DCAF8: variants seen among roughly 807,000 people sequenced by gnomAD.
DCAF8 encodes DDB1 and CUL4 associated factor 8.
DCAF8 carries 20 observed loss-of-function variants against 68.0 expected under a neutral mutation model. That is an observed-to-expected ratio of 0.29 (90% CI 0.21 to 0.43). DCAF8 has a LOEUF of 0.43. Among genes scored for constraint, DCAF8 ranks in the 20% least tolerant of loss-of-function variants. The pLI, the probability that DCAF8 is intolerant of heterozygous loss-of-function variation, is 1.00. For missense variants in DCAF8, 460 were observed against 771.0 expected, an observed-to-expected ratio of 0.60 and a Z score of 4.78; for synonymous variants, 230 against 276.9, an observed-to-expected ratio of 0.83 and a Z score of 1.68.
intron 4 of DCAF8, chr1:160,238,993 A>G: frequency 1.8e-6 from 1 of 541,852 alleles, no homozygotes; most frequent in Non-Finnish European, 2.8e-6. Context: ...GAACTGGCAC[A>G]TGATAAGAGC....
intron 6 of DCAF8, among the ~76,000 whole-genome samples, chr1:160,235,569 G>GA (rs1655842568): frequency 6.6e-6 from 1 of 151,744 alleles, no homozygotes; most frequent in Non-Finnish European, 1.5e-5. Flanking sequence ...GTCCAACACA[G>GA]AAAAATCTCC....
chr1:160,238,838 C>T (rs2101740194), intron 4 of DCAF8, 91 bp from the exon 5 acceptor site: 1 of 1,293,792 alleles, frequency 7.7e-7, no homozygotes. Context: ...CTCAACTTAC[C>T]CCCTTTTCTT....
intron 6 of DCAF8, among the ~76,000 whole-genome samples, chr1:160,234,794 A>G (rs930732681): frequency 1.3e-5 from 2 of 151,644 alleles, no homozygotes; most frequent in East Asian, 1.9e-4. Context: ...TCAAAGTCAG[A>G]TAACTACAAA....
intron 2 of DCAF8, among the ~76,000 whole-genome samples, chr1:160,257,131 C>CA (rs1656866037): frequency 6.6e-6 from 1 of 152,182 alleles, no homozygotes; most frequent in African/African-American, 2.4e-5. Flanking sequence ...ATCTAAAACT[C>CA]ACTGGCTTTT....
chr1:160,230,888 A>T (rs1017457866), intron 7 of DCAF8, among the ~76,000 whole-genome samples: 2 of 151,564 alleles, frequency 1.3e-5, no homozygotes, highest in Admixed American at 6.6e-5. Context: ...AGCAGCTGGG[A>T]CTACACGCAT....
chr1:160,249,885 CAG>C (rs535545038), intron 2 of DCAF8, among the ~76,000 whole-genome samples: 94 of 152,256 alleles, frequency 6.2e-4, no homozygotes, highest in African/African-American at 2.0e-3. Context: ...TGCAATAATT[CAG>C]ACTCAAACAG....
At position 160,239,741 on chromosome 1, in the gene DCAF8, G is replaced by C; in HGVS notation, c.679C>G (p.Pro227Ala). The C allele has an allele frequency of 1.9e-6, 3 of 1,613,608 alleles. No homozygotes were observed. In the South Asian group the frequency reaches 3.3e-5, roughly 18 times the overall value. ...TGGCCACTCTCAAAGTCCAGTACTG[G>C]CTGCCGCCGTACCCAATCCCACACC... ...VVVWDWVRRQ[P>A]VLDFESGHKS... Residue 227 changes from proline (P) to alanine (A), a missense_variant, in exon 4 of 14, where the codon CCA (proline) becomes GCA (alanine). Transcript: ENST00000368074.
intron 2 of DCAF8, among the ~76,000 whole-genome samples, chr1:160,260,770 C>G (rs1657057334): frequency 6.7e-6 from 1 of 149,258 alleles, no homozygotes; most frequent in Admixed American, 6.7e-5. Flanking sequence ...AGTCGGAATT[C>G]TGAAATAGAC....
intron 1 of DCAF8, chr1:160,262,091 C>G: frequency 2.7e-6 from 1 of 368,104 alleles, no homozygotes. Flanking sequence ...GTGCGGCTGG[C>G]TCTTGGGGGC....
intron 9 of DCAF8, among the ~76,000 whole-genome samples, 172 bp downstream of exon 9, chr1:160,224,890 G>A (rs1655414520): frequency 6.6e-6 from 1 of 152,204 alleles, no homozygotes; most frequent in Non-Finnish European, 1.5e-5. Context: ...ATCTCCAAGG[G>A]TCATCTACTG....
chr1:160,262,104 C>T, intron 1 of DCAF8: 1 of 377,666 alleles, frequency 2.6e-6, no homozygotes, highest in East Asian at 3.8e-5. Context: ...TTGGGGGCAA[C>T]ACCAGGGCTG....
At chr1:160,260,672 C>T (rs1044972298) in intron 2 of DCAF8, among the ~76,000 whole-genome samples, 3 of 152,090 alleles carry the variant, frequency 2.0e-5, no homozygotes, top group Non-Finnish European at 4.4e-5. Flanking sequence ...CTTCTGCTAA[C>T]CAAGAATTCT....
At chr1:160,248,709 G>GA (rs199917304) in intron 2 of DCAF8, among the ~76,000 whole-genome samples, 241 of 136,676 alleles carry the variant, frequency 1.8e-3, no homozygotes, top group East Asian at 2.2e-3. Context: ...CTCAAAAAAA[G>GA]AAAAAAAAAA....
In DCAF8 at chr1:160,244,148, T is replaced by C; in HGVS notation, c.-26-114A>G. The C allele has an allele frequency of 8.7e-6, 7 of 802,444 alleles. No homozygotes were observed. The South Asian group carries it at 9.5e-5, about 11-fold the overall frequency. The allele number at this position is 802,444 out of a possible 1,614,324, so 49.7% of individuals were successfully genotyped here. A position where few individuals can be genotyped will look rare whatever the true frequency, so the allele number is the denominator to read the frequency against. ...GTTTTATCATTTTTATAAAAATGAT[T>C]TGTGTATGCATGCTTAACAGGTCTT... On this transcript the variant is annotated intron_variant, in intron 2 of 13. Coordinates refer to ENST00000368074, the MANE Select transcript of DCAF8 (RefSeq NM_015726.4).
chr1:160,255,955 T>C (rs183317755), intron 2 of DCAF8, among the ~76,000 whole-genome samples: 2 of 151,538 alleles, frequency 1.3e-5, no homozygotes, highest in Admixed American at 6.6e-5. Flanking sequence ...TTTCAGACTA[T>C]GTCAGGAATG....
chr1:160,218,082 C>G (rs1557827380), intron 13 of DCAF8: 1 of 545,442 alleles, frequency 1.8e-6, no homozygotes, highest in South Asian at 2.5e-5. Flanking sequence ...CTCCTCCACC[C>G]TCCAGCTTTT....
chr1:160,225,447 A>C, intron 8 of DCAF8, 144 bp downstream of exon 8: 1 of 658,362 alleles, frequency 1.5e-6, no homozygotes. Context: ...CAAGATCACA[A>C]AGCTGGTAAG....
chr1:160,251,925 C>T (rs1258807757), intron 2 of DCAF8, among the ~76,000 whole-genome samples: 2 of 152,198 alleles, frequency 1.3e-5, no homozygotes, highest in African/African-American at 4.8e-5. Flanking sequence ...ACATATGACA[C>T]TGTCTCCTCT....
rs763536921 is a variant in DCAF8, at chr1:160,218,419, C to G, written c.1582G>C (p.Glu528Gln). 6.2e-7 allele frequency: 1 copy of G among 1,614,160 alleles called. No individual in the cohort carries two copies. The highest frequency in any genetic ancestry group is 8.5e-7 in the Non-Finnish European group (1 of 1,180,004). Residue 528 changes from glutamate (E) to glutamine (Q), a missense_variant, in exon 13 of 14, where the codon GAG becomes CAG. Physicochemically the swap from Glu to Gln is conservative, Grantham distance 29. Around this residue, in one of 8 missense-constraint regions of DCAF8, gnomAD observed 80 missense variants for 115.1 expected, o/e 0.70. Coordinates refer to ENST00000368074, the MANE Select transcript of DCAF8 (RefSeq NM_015726.4). The part of the protein sequence containing the change: ...LKDVIKKNKR[E>Q]RDEDSLHQTD... Reference sequence around the variant, plus strand: ...TGGTGCAAGCTATCTTCATCCCGCTCCCGCTTGTTCTTCTTAATCACCTGG... The same window carrying G: ...TGGTGCAAGCTATCTTCATCCCGCTGCCGCTTGTTCTTCTTAATCACCTGG...
Sources: allele counts gnomAD v4.1 joint callset (sites outside exome capture counted in the v4.1 genomes callset), GRCh38; gene constraint gnomAD v4.1.1; regional missense constraint gnomAD v4.1.1; transcripts MANE v1.5; gene names NCBI Gene and HGNC (gene_info 2026-07-23, HGNC 2026-07-21).